The following GLYATL3 variants were observed in gnomAD, a reference collection of about 807,000 sequenced individuals.
The protein encoded by GLYATL3 is glycine-N-acyltransferase like 3, also known as glycine N-acyltransferase-like protein 3.
In GLYATL3, 31 loss-of-function variants were observed where a neutral mutation model predicts 28.5. The ratio of observed to expected loss-of-function variants is 1.09; its 90% CI spans 0.82 to 1.47. GLYATL3 has a LOEUF of 1.47. Among genes scored for constraint, GLYATL3 ranks in the 40% most tolerant of loss-of-function variants. GLYATL3 has a pLI of 0.00. For synonymous variants in GLYATL3, 141 were observed against 140.2 expected (o/e 1.01, Z -0.04); for missense variants, 369 against 351.5 (o/e 1.05, Z -0.40).
At chr6:49,517,318 G>T in intron 3 of GLYATL3, 112 bp from the exon 4 acceptor site, 1 of 847,710 alleles carries the variant, frequency 1.2e-6, no homozygotes. Context: ...AATTTTGTTA[G>T]CCACCTATAA....
chr6:49,525,859 G>C (rs7739192), intron 5 of GLYATL3, among the ~76,000 whole-genome samples: 3 of 151,880 alleles, frequency 2.0e-5, no homozygotes, highest in Admixed American at 1.3e-4. Flanking sequence ...AGTTCAACAC[G>C]CGGGGACTCA....
chr6:49,526,646 C>G lies in GLYATL3; in HGVS notation c.599C>G (p.Pro200Arg), dbSNP rs1389168434. The change falls in exon 6 of 6, where the codon CCG becomes CGG. Residue 200 changes from proline (P) to arginine (R), a missense_variant. Physicochemically the swap from Pro to Arg is moderately radical, Grantham distance 103. Transcript: ENST00000371197. The part of the protein sequence containing the change: ...SVCVRDEKGN[P>R]VSWSITDQFA... ...TGTGTCCGGGATGAGAAGGGAAACC[C>G]GGTCTCCTGGTCCATCACAGACCAG... The G allele has an allele frequency of 1.3e-6, 2 of 1,551,888 alleles. No individual in the cohort carries two copies. The highest frequency in any genetic ancestry group is 1.4e-5 in the African/African-American group (1 of 73,160).
intron 5 of GLYATL3, among the ~76,000 whole-genome samples, chr6:49,522,915 G>A (rs1769341689): frequency 6.6e-6 from 1 of 151,658 alleles, no homozygotes; most frequent in Non-Finnish European, 1.5e-5. Flanking sequence ...TCCACTTCCT[G>A]GATTATTTTG....
chr6:49,513,269 TC>T (rs1769154937), intron 2 of GLYATL3, among the ~76,000 whole-genome samples: 1 of 152,172 alleles, frequency 6.6e-6, no homozygotes, highest in African/African-American at 2.4e-5. Flanking sequence ...TAAATATCCT[TC>T]CAAAGTTCCT....
At chr6:49,507,486 C>A (rs1021106876) in intron 1 of GLYATL3, among the ~76,000 whole-genome samples, 1 of 152,132 alleles carries the variant, frequency 6.6e-6, no homozygotes, top group African/African-American at 2.4e-5. Flanking sequence ...TAATAAAAGA[C>A]AGATAAGCCT....
At chr6:49,515,550 T>C in intron 2 of GLYATL3, 103 bp from the exon 3 acceptor site, 1 of 644,370 alleles carries the variant, frequency 1.6e-6, no homozygotes. Flanking sequence ...TAATTTCCCC[T>C]CTTGTGGACA....
In GLYATL3 at chr6:49,504,215, T is replaced by G. The variant is rs1768967708; in HGVS notation, c.-29+4173T>G. 2.1e-5 allele frequency among the ~76,000 whole-genome samples: 3 copies of G among 141,976 alleles called. No homozygotes were observed. The South Asian group carries it at 7.3e-4, about 35-fold the overall frequency. 93.1% of individuals were successfully genotyped at this position (141,976 alleles called of 152,430 possible). On this transcript the variant is annotated intron_variant, in intron 1 of 5. Transcript: ENST00000371197. ...TTGTAAAGGAGTTAGCATGGTTATTTTTTTTCTTTTCTTTTTTTCTTTTTC... is the reference window on the plus strand; with the variant it reads ...TTGTAAAGGAGTTAGCATGGTTATTGTTTTTCTTTTCTTTTTTTCTTTTTC...
chr6:49,527,175 T>C lies in GLYATL3; in HGVS notation c.*261T>C. The C allele has an allele frequency of 7.3e-6, 3 of 409,800 alleles. No individual in the cohort carries two copies. The highest frequency in any genetic ancestry group is 1.3e-5 in the Non-Finnish European group (3 of 229,668). 25.4% of individuals were successfully genotyped at this position (409,800 alleles called of 1,614,324 possible). ...TCCTGTAGGATCCACTGTAGGAGAA[T>C]AGGTTCTAAAGCCAGCAGTTTTAGT... is the stretch of plus-strand genomic sequence containing the variant. On this transcript the variant is annotated 3_prime_UTR_variant, in exon 6 of 6. Coordinates refer to ENST00000371197, the MANE Select transcript of GLYATL3 (RefSeq NM_001010904.2).
chr6:49,511,642 A>T (rs115100209), intron 1 of GLYATL3, among the ~76,000 whole-genome samples: 1 of 152,340 alleles, frequency 6.6e-6, no homozygotes, highest in African/African-American at 2.4e-5. Context: ...GGATGGATTT[A>T]GATCAAATAA....
chr6:49,520,317 C>T (rs752067847), intron 4 of GLYATL3, among the ~76,000 whole-genome samples: 3 of 152,156 alleles, frequency 2.0e-5, no homozygotes, highest in Non-Finnish European at 4.4e-5. Context: ...TAAGAACACA[C>T]ACTTGAAAAG....
intron 1 of GLYATL3, among the ~76,000 whole-genome samples, chr6:49,505,173 A>ATTGG (rs1768988350): frequency 6.6e-6 from 1 of 152,204 alleles, no homozygotes; most frequent in Non-Finnish European, 1.5e-5. Flanking sequence ...TATGATTACC[A>ATTGG]CTGGATAAAG....
At chr6:49,515,869 T>C (rs981408893) in intron 3 of GLYATL3, 109 bp downstream of exon 3, 32 of 671,818 alleles carry the variant, frequency 4.8e-5, no homozygotes, top group Admixed American at 4.8e-5. Context: ...TACAACACTG[T>C]TTCACCATTC....
intron 5 of GLYATL3, among the ~76,000 whole-genome samples, chr6:49,525,863 G>A (rs925350815): frequency 1.6e-4 from 24 of 152,098 alleles, no homozygotes; most frequent in Admixed American, 6.5e-4. Flanking sequence ...CAACACGCGG[G>A]GACTCAAGGT....
chr6:49,527,280 A>T lies in GLYATL3; in HGVS notation c.*366A>T, dbSNP rs1398730892. Among the ~76,000 whole-genome samples the T allele has an allele frequency of 6.6e-6, 1 of 151,842 alleles. No homozygotes were observed. Among genetic ancestry groups the T allele is most frequent in the Non-Finnish European group, 1.5e-5 (1 of 67,964 alleles). The stretch of plus-strand genomic sequence containing the variant: ...CTACTGCTTTTTGATTGCTGCTTGG[A>T]CCTCTGCTCTGTATTCTTAAAGCCA... On this transcript the variant is annotated 3_prime_UTR_variant, in exon 6 of 6. Coordinates refer to ENST00000371197, the MANE Select transcript of GLYATL3 (RefSeq NM_001010904.2).
chr6:49,515,876 ATTCAT>A (rs1390697576), intron 3 of GLYATL3, 116 bp downstream of exon 3: 10 of 625,714 alleles, frequency 1.6e-5, no homozygotes, highest in Admixed American at 1.3e-4. Flanking sequence ...CTGTTTCACC[ATTCAT>A]TTCTTTTCTT....
In GLYATL3 at chr6:49,517,609, A is replaced by G. The variant is rs1455763427; in HGVS notation, c.313+53A>G. The G allele has an allele frequency of 2.3e-6, 3 of 1,311,816 alleles. No homozygotes were observed. The African/African-American group carries it at 4.5e-5, about 19-fold the overall frequency. 81.3% of individuals were successfully genotyped at this position (1,311,816 alleles called of 1,614,324 possible). A position where few individuals can be genotyped will look rare whatever the true frequency, so the allele number is the denominator to read the frequency against. On this transcript the variant is annotated intron_variant, in intron 4 of 5. Transcript: ENST00000371197. ...CACAGTCTTTTTTTTCCTCCTTAGC[A>G]TATATCCAGATAGTTATAGATATTT...
At chr6:49,512,266 C>CTTT (rs11358799) in intron 2 of GLYATL3, among the ~76,000 whole-genome samples, 198 bp downstream of exon 2, 3 of 129,356 alleles carry the variant, frequency 2.3e-5, no homozygotes, top group Admixed American at 7.8e-5. Context: ...TTACACTTTT[C>CTTT]TTTTTTTTTT....
chr6:49,523,498 C>A (rs189341531), intron 5 of GLYATL3, among the ~76,000 whole-genome samples: 130 of 152,306 alleles, frequency 8.5e-4, no homozygotes, highest in African/African-American at 3.1e-3. Context: ...ACTGTTTGCA[C>A]AACTTAATCA....
chr6:49,510,024 T>C (rs554346621), intron 1 of GLYATL3, among the ~76,000 whole-genome samples: 1 of 146,384 alleles, frequency 6.8e-6, no homozygotes, highest in South Asian at 2.2e-4. Flanking sequence ...TTCCTTCCTT[T>C]ATTTCATTTA....
Sources: gnomAD v4.1 joint callset for allele counts (sites outside exome capture counted in the v4.1 genomes callset) on GRCh38, gnomAD v4.1.1 for gene constraint, MANE v1.5 for transcripts, NCBI Gene and HGNC (gene_info 2026-07-23, HGNC 2026-07-21) for gene names.